Variants in MAP4K4 observed in about 807,000 individuals in gnomAD.
MAP4K4 encodes HPK/GCK-like kinase HGK.
In MAP4K4, 38 loss-of-function variants were observed where a neutral mutation model predicts 189.6. The observed-to-expected ratio is 0.20, with a 90% CI of 0.15 to 0.26. The LOEUF (loss-of-function observed/expected upper bound fraction) is 0.26, where lower values mean the gene tolerates loss of function less well. Ranked by LOEUF, MAP4K4 falls within the 10% of genes least tolerant of loss-of-function variation. The pLI, the probability that MAP4K4 is intolerant of heterozygous loss-of-function variation, is 1.00. For missense variants in MAP4K4, 1,054 were observed against 1,726.9 expected (o/e 0.61, Z 6.91); for synonymous variants, 610 against 624.3 (o/e 0.98, Z 0.34).
intron 2 of MAP4K4, among the ~76,000 whole-genome samples, chr2:101,777,348 T>C (rs2084768164): frequency 6.6e-6 from 1 of 152,192 alleles, no homozygotes; most frequent in African/African-American, 2.4e-5. Flanking sequence ...GCACTGTGTC[T>C]GCTATTGACA....
chr2:101,720,052 A>G (rs906921664), intron 2 of MAP4K4, among the ~76,000 whole-genome samples: 1 of 152,104 alleles, frequency 6.6e-6, no homozygotes, highest in African/African-American at 2.4e-5. Context: ...GATGGAAGGT[A>G]GAAAGAGTTT....
chr2:101,705,355 T>C (rs2041752347), intron 2 of MAP4K4, among the ~76,000 whole-genome samples: 2 of 152,196 alleles, frequency 1.3e-5, no homozygotes, highest in Admixed American at 6.5e-5. Flanking sequence ...ATGTCAGTCA[T>C]ACATTCTGTG....
intron 2 of MAP4K4, among the ~76,000 whole-genome samples, chr2:101,723,947 A>G (rs925084313): frequency 2.0e-5 from 3 of 152,260 alleles, no homozygotes; most frequent in Middle Eastern, 3.4e-3. Context: ...ATCACTCACA[A>G]TTAGGAAGGT....
exon 1 of MAP4K4, chr2:101,698,055 T>C: frequency 7.6e-7 from 1 of 1,320,742 alleles, no homozygotes; most frequent in Non-Finnish European, 1.0e-6. Flanking sequence ...TTATTGTTAT[T>C]TGTTTTTTGG....
intron 3 of MAP4K4, among the ~76,000 whole-genome samples, chr2:101,813,702 G>C (rs1276688834): frequency 6.6e-6 from 1 of 152,208 alleles, no homozygotes; most frequent in Non-Finnish European, 1.5e-5. Flanking sequence ...TGGTGGTGGA[G>C]TATAAAGCAT....
At chr2:101,724,214 G>A (rs1448711147) in intron 2 of MAP4K4, among the ~76,000 whole-genome samples, 1 of 152,184 alleles carries the variant, frequency 6.6e-6, no homozygotes, top group Non-Finnish European at 1.5e-5. Context: ...AATGTCCTGT[G>A]CACTTGCTTG....
Position 101,829,611 on chromosome 2 carries a change from C to A in MAP4K4, c.508+17C>A. On this transcript the variant is annotated intron_variant, in intron 6 of 32. Transcript: ENST00000324219. ...TGAAACTTGGTATGTAATGGATGTG[C>A]GGCGTGATCTCATAATTGCACCTGG... 6.3e-7 allele frequency: 1 copy of A among 1,576,174 alleles called. No homozygotes were observed.
intron 2 of MAP4K4, among the ~76,000 whole-genome samples, chr2:101,740,349 T>C (rs2062141253): frequency 9.1e-6 from 1 of 110,180 alleles, no homozygotes; most frequent in East Asian, 2.1e-4. Flanking sequence ...GAGACGGGGT[T>C]TCACCGTTTT....
At chr2:101,884,263 C>G (rs1349697220) in intron 28 of MAP4K4, among the ~76,000 whole-genome samples, 1 of 152,110 alleles carries the variant, frequency 6.6e-6, no homozygotes, top group East Asian at 1.9e-4. Flanking sequence ...TTTAGCTCCT[C>G]AATGGCACTA....
At chr2:101,892,856 G>A (rs780127744) in exon 33 of MAP4K4, 35 of 455,868 alleles carry the variant, frequency 7.7e-5, no homozygotes, top group Admixed American at 3.1e-4. Context: ...GGATATTACC[G>A]TCTCAGGAAA....
At chr2:101,803,203 A>T (rs1372659865) in intron 3 of MAP4K4, among the ~76,000 whole-genome samples, 1 of 151,808 alleles carries the variant, frequency 6.6e-6, no homozygotes, top group Non-Finnish European at 1.5e-5. Flanking sequence ...AAAAACCCAA[A>T]ACTCAAGTTA....
intron 32 of MAP4K4, among the ~76,000 whole-genome samples, chr2:101,890,118 A>G (rs1197106256): frequency 6.6e-6 from 1 of 152,256 alleles, no homozygotes; most frequent in East Asian, 1.9e-4. Flanking sequence ...GTCCTTTAAG[A>G]TTTATTAATA....
chr2:101,851,725 T>C (rs999501556), intron 12 of MAP4K4, among the ~76,000 whole-genome samples: 2 of 10,324 alleles, frequency 1.9e-4, no homozygotes, highest in South Asian at 4.1e-3. Context: ...AACTGTCCTC[T>C]TTTTTTTTTT....
chr2:101,800,909 G>A (rs1440340215), intron 3 of MAP4K4, among the ~76,000 whole-genome samples: 2 of 152,146 alleles, frequency 1.3e-5, no homozygotes, highest in African/African-American at 4.8e-5. Context: ...CAAGCAGATT[G>A]AATATCCACA....
intron 3 of MAP4K4, among the ~76,000 whole-genome samples, chr2:101,803,223 T>C (rs1212576828): frequency 2.0e-5 from 3 of 149,416 alleles, no homozygotes; most frequent in African/African-American, 7.6e-5. Context: ...AAGTTACATA[T>C]GCTTGGTTGA....
intron 18 of MAP4K4, among the ~76,000 whole-genome samples, chr2:101,866,156 A>G (rs2097803735): frequency 6.6e-6 from 1 of 152,226 alleles, no homozygotes. Context: ...TGCTGCTTCT[A>G]CACTGAACAG....
exon 33 of MAP4K4, chr2:101,891,669 G>T: frequency 6.1e-6 from 1 of 164,850 alleles, no homozygotes. Flanking sequence ...GGTGAGAAGT[G>T]GTGGTAAAAG....
intron 15 of MAP4K4, chr2:101,860,552 C>T (rs2097613742): frequency 3.5e-6 from 1 of 282,506 alleles, no homozygotes; most frequent in East Asian, 6.6e-5. Context: ...TTTTTTTCTA[C>T]TTCATCATCA....
At chr2:101,803,051 G>A (rs1474861502) in intron 3 of MAP4K4, among the ~76,000 whole-genome samples, 2 of 152,210 alleles carry the variant, frequency 1.3e-5, no homozygotes, top group African/African-American at 4.8e-5. Context: ...CTCCCAAAGT[G>A]CTGGGGTTAC....
Sources: allele counts gnomAD v4.1 joint callset (sites outside exome capture counted in the v4.1 genomes callset), GRCh38; gene constraint gnomAD v4.1.1; transcripts MANE v1.5; gene names NCBI Gene and HGNC (gene_info 2026-07-23, HGNC 2026-07-21).